Variants in ATG16L2 observed in about 807,000 individuals in gnomAD.
The protein encoded by ATG16L2 is autophagy related 16 like 2.
ATG16L2 carries 77 observed loss-of-function variants against 84.7 expected under a neutral mutation model. The observed-to-expected ratio is 0.91, with a 90% CI of 0.76 to 1.10. The LOEUF (loss-of-function observed/expected upper bound fraction) is 1.10, where lower values mean the gene tolerates loss of function less well. Ranked by LOEUF, ATG16L2 falls within the 50% of genes least tolerant of loss-of-function variation. The probability of loss-of-function intolerance (pLI) is 0.00; values close to 1 mark genes in which losing one functional copy is unlikely to be tolerated. For synonymous variants in ATG16L2, 361 were observed against 342.8 expected (o/e 1.05, Z -0.59); for missense variants, 782 against 817.6 (o/e 0.96, Z 0.53).
Position 72,822,049 on chromosome 11 carries a change from C to T in ATG16L2, c.398C>T (p.Ala133Val), listed in dbSNP as rs1193908628. ...SELQQRQSRLAALEARVAQLR... is the reference protein window; with the variant it reads ...SELQQRQSRLVALEARVAQLR... ...CCGCTCTTTCCGTCCTCCAGGCTGG[C>T]AGCCCTGGAGGCCCGCGTGGCGCAG... The change falls in exon 5 of 18, where the codon GCA becomes GTA. Residue 133 changes from alanine to valine, a missense_variant. Coordinates refer to ENST00000321297, the MANE Select transcript of ATG16L2 (RefSeq NM_033388.2). The surrounding 1 kb of genome is among the most constrained non-coding windows in gnomAD (Gnocchi z 4.2). 3 of 1,501,120 alleles carry T rather than the reference C, an allele frequency of 2.0e-6. No individual in the cohort carries two copies. Among genetic ancestry groups the T allele is most frequent in the Admixed American group, 4.9e-5 (2 of 41,154 alleles). The allele number at this position is 1,501,120 out of a possible 1,614,324, so 93.0% of individuals were successfully genotyped here. A position where few individuals can be genotyped will look rare whatever the true frequency, so the allele number is the denominator to read the frequency against.
At chr11:72,817,669 T>C in intron 2 of ATG16L2, 87 bp from the exon 3 acceptor site, 1 of 1,332,776 alleles carries the variant, frequency 7.5e-7, no homozygotes, top group Non-Finnish European at 1.1e-6. Flanking sequence ...GGCTCTTGTT[T>C]TAGGCTTTTC....
chr11:72,843,160 C>A (rs770707766), exon 6 of ATG16L2: 2 of 1,613,990 alleles, frequency 1.2e-6, no homozygotes, highest in Non-Finnish European at 1.7e-6. Context: ...CCACTGGCAT[C>A]TCCGTTGAGG....
At chr11:72,833,280 C>T (rs1676570584), downstream of ATG16L2, among the ~76,000 whole-genome samples, 1 of 152,230 alleles carries the variant, frequency 6.6e-6, no homozygotes, top group Non-Finnish European at 1.5e-5. Flanking sequence ...GAGATTCAGA[C>T]ATATCCATGC....
chr11:72,821,458 C>T, intron 3 of ATG16L2: 1 of 1,390,714 alleles, frequency 7.2e-7, no homozygotes, highest in Non-Finnish European at 9.3e-7. Flanking sequence ...GATTGGGACC[C>T]AGGGCTGACT....
At chr11:72,827,968 CA>C (rs760108741) in intron 14 of ATG16L2, among the ~76,000 whole-genome samples, 3 of 152,100 alleles carry the variant, frequency 2.0e-5, no homozygotes, top group African/African-American at 7.2e-5. Flanking sequence ...CAAAACAAAA[CA>C]AAAAAACAAA....
chr11:72,835,466 G>T (rs1860707017), intron 5 of ATG16L2, among the ~76,000 whole-genome samples: 1 of 152,044 alleles, frequency 6.6e-6, no homozygotes, highest in African/African-American at 2.4e-5. Flanking sequence ...AGTTCGTGGT[G>T]ACCAGCCTGT....
chr11:72,842,846 G>A lies in ATG16L2; in HGVS notation c.*251G>A, dbSNP rs201613221. ...AAAGTGCTTTCACAAAACATACTAG[G>A]GAGCAAGAGAAAAACAAATCTGGTA... On this transcript the variant is annotated 3_prime_UTR_variant, in exon 6 of 6. Transcript: ENST00000534905. 121 of 1,610,376 alleles carry A rather than the reference G, an allele frequency of 7.5e-5. No homozygotes were observed. The African/African-American group carries it at 1.5e-3, about 20-fold the overall frequency.
At position 72,843,653 on chromosome 11, in the gene ATG16L2, T is replaced by C. The variant is rs556017617; in HGVS notation, c.*1058T>C. The C allele has an allele frequency of 7.6e-4, 521 of 681,622 alleles. 5 individuals carry two copies. In the African/African-American group the frequency reaches 8.3e-3, roughly 11 times the overall value. 42.2% of individuals were successfully genotyped at this position (681,622 alleles called of 1,614,324 possible). A position where few individuals can be genotyped will look rare whatever the true frequency, so the allele number is the denominator to read the frequency against. ...ATGATTTTGAGAAACATGTTGAACA[T>C]AAAAATTTAAATGCTGTAAAACTTT... is the stretch of plus-strand genomic sequence containing the variant. On this transcript the variant is annotated 3_prime_UTR_variant, in exon 6 of 6. Transcript: ENST00000534905.
At chr11:72,824,484 G>A in intron 8 of ATG16L2, 1 of 568,488 alleles carries the variant, frequency 1.8e-6, no homozygotes, top group Non-Finnish European at 3.2e-6. Context: ...TGAAACCCCG[G>A]CCCTGAGGTT....
chr11:72,841,525 G>A, intron 5 of ATG16L2: 1 of 1,611,674 alleles, frequency 6.2e-7, no homozygotes, highest in Non-Finnish European at 8.5e-7. Context: ...GCTGCTGGGA[G>A]GCTGGTCGTA....
At position 72,824,894 on chromosome 11, in the gene ATG16L2, C is replaced by T. The variant is rs960598230; in HGVS notation, c.996+52C>T. The T allele has an allele frequency of 5.5e-6, 8 of 1,467,628 alleles. No individual in the cohort carries two copies. In the African/African-American group the frequency reaches 7.1e-5, roughly 13 times the overall value. 90.9% of individuals were successfully genotyped at this position (1,467,628 alleles called of 1,614,324 possible). On this transcript the variant is annotated intron_variant, in intron 9 of 17. Transcript: ENST00000321297. ...TGGGGCAGTGGTGAGAGAGTGCAGG[C>T]ACAGGGGTGGTCTCGGCACCAGGGG...
rs1323177564 is a variant in ATG16L2 at position 72,823,109 on chromosome 11, C to T, written c.824+148C>T. ...AAAGCTCAGATCTCCCAGGGCTAGTCTGACCTCCATTGTCTGGAGCCACTT... is the reference window on the plus strand; with the variant it reads ...AAAGCTCAGATCTCCCAGGGCTAGTTTGACCTCCATTGTCTGGAGCCACTT... On this transcript the variant is annotated intron_variant, in intron 7 of 17. Transcript: ENST00000321297. The T allele has an allele frequency of 4.9e-6, 3 of 606,562 alleles. No individual in the cohort carries two copies. The African/African-American group carries it at 5.6e-5, about 11-fold the overall frequency. The allele number at this position is 606,562 out of a possible 1,614,324, so 37.6% of individuals were successfully genotyped here.
chr11:72,841,676 C>T, intron 5 of ATG16L2: 1 of 1,309,760 alleles, frequency 7.6e-7, no homozygotes. Flanking sequence ...TGCCTTTTCT[C>T]TAAAGCTAAG....
At chr11:72,820,454 AC>A (rs1414140404) in intron 3 of ATG16L2, 1 of 152,224 alleles carries the variant, frequency 6.6e-6, no homozygotes, top group Non-Finnish European at 1.5e-5. Context: ...TGAAAGGCAT[AC>A]AATAAAATAT....
Position 72,822,570 on chromosome 11 carries a change from C to A in ATG16L2, c.710+27C>A, listed in dbSNP as rs1486660138. The A allele has an allele frequency of 2.5e-6, 4 of 1,606,808 alleles. No individual in the cohort carries two copies. In the South Asian group the frequency reaches 4.4e-5, roughly 18 times the overall value. ...TAAGAGTGGGGATGGGCCGGTCCGA[C>A]CCTTGCGTTCTGCCTCCCGCCCCGC... On this transcript the variant is annotated intron_variant, in intron 6 of 17. Coordinates refer to ENST00000321297, the MANE Select transcript of ATG16L2 (RefSeq NM_033388.2). The surrounding 1 kb of genome is among the most constrained non-coding windows in gnomAD (Gnocchi z 4.2).
At chr11:72,820,769 T>C (rs1859945525) in intron 3 of ATG16L2, among the ~76,000 whole-genome samples, 1 of 151,752 alleles carries the variant, frequency 6.6e-6, no homozygotes, top group South Asian at 2.1e-4. Flanking sequence ...CCTCTGGCCC[T>C]CATGTTCTCT....
At chr11:72,827,945 C>A (rs551477176) in intron 14 of ATG16L2, among the ~76,000 whole-genome samples, 77 of 152,202 alleles carry the variant, frequency 5.1e-4, no homozygotes, top group Non-Finnish European at 1.1e-3. Context: ...AAAAACAAAA[C>A]CAAAACCAAA....
chr11:72,826,084 G>A lies in ATG16L2; in HGVS notation c.1103-89G>A, dbSNP rs886703550. The A allele has an allele frequency of 2.6e-5, 28 of 1,078,238 alleles. No individual in the cohort carries two copies. In the South Asian group the frequency reaches 2.7e-4, roughly 11 times the overall value. The allele number at this position is 1,078,238 out of a possible 1,614,324, so 66.8% of individuals were successfully genotyped here. A position where few individuals can be genotyped will look rare whatever the true frequency, so the allele number is the denominator to read the frequency against. Reference sequence around the variant, plus strand: ...CTGGGGATGTGTCGGGGGGTGGGGCGGGAACTGATCTTCCGCTCTCAATCC... The same window carrying A: ...CTGGGGATGTGTCGGGGGGTGGGGCAGGAACTGATCTTCCGCTCTCAATCC... On this transcript the variant is annotated intron_variant, in intron 10 of 17. Coordinates refer to ENST00000321297, the MANE Select transcript of ATG16L2 (RefSeq NM_033388.2).
chr11:72,824,426 C>G, intron 8 of ATG16L2: 1 of 565,170 alleles, frequency 1.8e-6, no homozygotes, highest in South Asian at 2.0e-5. Flanking sequence ...TCTGAAATGT[C>G]AGGGACTCAT....
Sources: gnomAD v4.1 joint callset for allele counts (sites outside exome capture counted in the v4.1 genomes callset) on GRCh38, gnomAD v4.1.1 for gene constraint, Gnocchi (gnomAD v3.1) non-coding constraint, MANE v1.5 for transcripts, NCBI Gene and HGNC (gene_info 2026-07-23, HGNC 2026-07-21) for gene names.